The following IARS1 variants were observed in gnomAD, a reference collection of about 807,000 sequenced individuals.
IARS1 encodes the protein isoleucyl-tRNA synthetase 1, also known as isoleucine--tRNA ligase, cytoplasmic.
In IARS1, 124 loss-of-function variants were observed where a neutral mutation model predicts 168.2. The observed-to-expected ratio is 0.74, with a 90% CI of 0.64 to 0.86. IARS1 has a LOEUF of 0.86. IARS1 is among the 40% of genes least tolerant of loss of function. The probability of loss-of-function intolerance (pLI) is 0.00; values close to 1 mark genes in which losing one functional copy is unlikely to be tolerated. For missense variants in IARS1, 1,452 were observed against 1,515.8 expected (o/e 0.96, Z 0.70); for synonymous variants, 532 against 529.4 (o/e 1.00, Z -0.07).
chr9:92,276,727 T>C (rs781214165), intron 9 of IARS1, among the ~76,000 whole-genome samples: 8 of 152,224 alleles, frequency 5.3e-5, no homozygotes, highest in Admixed American at 2.6e-4. Flanking sequence ...TGATTATTAT[T>C]TCCACATAAG....
chr9:92,270,583 C>T (rs1832880498), intron 12 of IARS1, among the ~76,000 whole-genome samples: 1 of 151,992 alleles, frequency 6.6e-6, no homozygotes, highest in Admixed American at 6.5e-5. Flanking sequence ...TTATTTGAGC[C>T]CAGTAGTTTG....
At chr9:92,236,700 T>C (rs1266695984) in intron 30 of IARS1, among the ~76,000 whole-genome samples, 2 of 152,092 alleles carry the variant, frequency 1.3e-5, no homozygotes, top group Non-Finnish European at 2.9e-5. Flanking sequence ...AATACAAAAA[T>C]TCATCAGGCG....
intron 17 of IARS1, among the ~76,000 whole-genome samples, chr9:92,261,167 G>A (rs1831470913): frequency 6.6e-6 from 1 of 152,090 alleles, no homozygotes; most frequent in Non-Finnish European, 1.5e-5. Context: ...ATATTAGCTG[G>A]GTGTGGTGGT....
intron 22 of IARS1, 73 bp from the exon 23 acceptor site, chr9:92,250,907 C>A: frequency 3.4e-6 from 5 of 1,470,118 alleles, no homozygotes; most frequent in Non-Finnish European, 4.6e-6. Flanking sequence ...TACTGAGAAA[C>A]AACTAAACAT....
At chr9:92,235,970 C>T (rs1827457063) in intron 30 of IARS1, among the ~76,000 whole-genome samples, 1 of 151,914 alleles carries the variant, frequency 6.6e-6, no homozygotes, top group African/African-American at 2.4e-5. Flanking sequence ...TGTGGAATAT[C>T]TGTTTTCTAT....
At chr9:92,217,876 A>C (rs1203495118) in intron 33 of IARS1, among the ~76,000 whole-genome samples, 2 of 152,066 alleles carry the variant, frequency 1.3e-5, no homozygotes, top group African/African-American at 2.4e-5. Flanking sequence ...TCCTTCTGAA[A>C]CTATTCCAAT....
Position 92,280,761 on chromosome 9 carries a change from AT to A in IARS1, c.729del (p.Gln243HisfsTer3), listed in dbSNP as rs1175039387. On this transcript the variant is annotated frameshift_variant, in exon 7 of 34. Transcript: ENST00000443024. LOFTEE classifies it high-confidence loss of function. The stretch of plus-strand genomic sequence containing the variant: ...TCCCACTTACCTTTAATTTTCACAT[AT>A]TGCATTTCTGGATTAACACACACAG... The part of the protein sequence containing the change: ...NLAVCVNPEM[Q>X]YVKIKDVARG... 1.2e-6 allele frequency: 2 copies of A among 1,608,714 alleles called. No individual in the cohort carries two copies. Among genetic ancestry groups the A allele is most frequent in the Admixed American group, 1.7e-5 (1 of 59,538 alleles).
At chr9:92,281,952 G>C (rs1036685036) in intron 6 of IARS1, among the ~76,000 whole-genome samples, 2 of 151,906 alleles carry the variant, frequency 1.3e-5, no homozygotes, top group Non-Finnish European at 2.9e-5. Flanking sequence ...ACACAATGTA[G>C]GTCTTTTTTG....
At chr9:92,228,656 G>A in intron 31 of IARS1, among the ~76,000 whole-genome samples, 1 of 152,226 alleles carries the variant, frequency 6.6e-6, no homozygotes, top group Non-Finnish European at 1.5e-5. Flanking sequence ...CGAGGGTGCA[G>A]TGAGCCATGA....
intron 11 of IARS1, among the ~76,000 whole-genome samples, chr9:92,271,291 A>C (rs1457129456): frequency 6.6e-6 from 1 of 152,206 alleles, no homozygotes; most frequent in East Asian, 1.9e-4. Flanking sequence ...CCAAGGTCAC[A>C]AAGGTGCTTC....
intron 20 of IARS1, chr9:92,253,786 C>T (rs764731043): frequency 1.8e-5 from 9 of 496,868 alleles, no homozygotes; most frequent in Admixed American, 9.0e-5. Flanking sequence ...GCCATTTACA[C>T]GGAGCTGTGC....
chr9:92,242,041 G>C (rs1264842377), intron 29 of IARS1, 113 bp downstream of exon 29: 1 of 802,478 alleles, frequency 1.2e-6, no homozygotes, highest in Non-Finnish European at 2.1e-6. Context: ...AATACTTCAA[G>C]ACAGAGTGCT....
intron 9 of IARS1, among the ~76,000 whole-genome samples, chr9:92,277,528 C>G (rs1234251924): frequency 6.6e-6 from 1 of 151,982 alleles, no homozygotes; most frequent in Admixed American, 6.6e-5. Flanking sequence ...AAACTAAAAA[C>G]TTAGCCCGGT....
At chr9:92,250,940 G>T (rs1234261368) in intron 22 of IARS1, 106 bp from the exon 23 acceptor site, 1 of 1,263,094 alleles carries the variant, frequency 7.9e-7, no homozygotes, top group Non-Finnish European at 1.1e-6. Flanking sequence ...CACAGTAATA[G>T]GCACCAAAAT....
At chr9:92,248,481 C>T (rs1324781311) in intron 25 of IARS1, among the ~76,000 whole-genome samples, 3 of 151,132 alleles carry the variant, frequency 2.0e-5, no homozygotes, top group Admixed American at 6.6e-5. Context: ...GAGACCAGCC[C>T]GGGCAACATG....
intron 33 of IARS1, among the ~76,000 whole-genome samples, chr9:92,214,761 G>A (rs138344032): frequency 7.9e-4 from 120 of 152,366 alleles, no homozygotes; most frequent in African/African-American, 2.7e-3. Flanking sequence ...CACCTAGCTC[G>A]GAGGGTCCTA....
intron 22 of IARS1, chr9:92,251,176 C>A (rs749862840): frequency 2.2e-6 from 1 of 463,932 alleles, no homozygotes; most frequent in South Asian, 1.5e-5. Context: ...GAAAATACCC[C>A]CTGCTTCACA....
chr9:92,239,864 T>A (rs1828108908), intron 30 of IARS1, among the ~76,000 whole-genome samples: 1 of 152,162 alleles, frequency 6.6e-6, no homozygotes, highest in South Asian at 2.1e-4. Flanking sequence ...CCATAGTTTT[T>A]TCTATGGTGT....
intron 30 of IARS1, among the ~76,000 whole-genome samples, chr9:92,237,842 G>T (rs750301399): frequency 3.9e-5 from 6 of 152,098 alleles, no homozygotes; most frequent in Non-Finnish European, 8.8e-5. Context: ...CATTATATTA[G>T]AAGTTTGTTA....
Sources: gnomAD v4.1 joint callset for allele counts (sites outside exome capture counted in the v4.1 genomes callset) on GRCh38, gnomAD v4.1.1 for gene constraint, MANE v1.5 for transcripts, NCBI Gene and HGNC (gene_info 2026-07-23, HGNC 2026-07-21) for gene names.